Variants in LGR6 observed in about 807,000 individuals in gnomAD.
The protein encoded by LGR6 is leucine-rich repeat-containing G protein-coupled receptor 6.
In LGR6, 45 loss-of-function variants were observed where a neutral mutation model predicts 69.4. The observed-to-expected ratio is 0.65, with a 90% CI of 0.51 to 0.83. The LOEUF (loss-of-function observed/expected upper bound fraction) is 0.83. Ranked by LOEUF, LGR6 falls within the 40% of genes least tolerant of loss-of-function variation. The pLI, the probability that LGR6 is intolerant of heterozygous loss-of-function variation, is 0.00. For synonymous variants in LGR6, 538 were observed against 555.0 expected, an observed-to-expected ratio of 0.97 and a Z score of 0.43; for missense variants, 1,108 against 1,246.7, an observed-to-expected ratio of 0.89 and a Z score of 1.68.
At chr1:202,243,104 G>C (rs1005497210) in intron 4 of LGR6, among the ~76,000 whole-genome samples, 1 of 151,732 alleles carries the variant, frequency 6.6e-6, no homozygotes, top group Admixed American at 6.6e-5. Flanking sequence ...AGGGTGCTGG[G>C]CTGCCTCTCA....
At chr1:202,317,181 G>A (rs1165535724) in intron 17 of LGR6, among the ~76,000 whole-genome samples, 1 of 152,108 alleles carries the variant, frequency 6.6e-6, no homozygotes, top group Non-Finnish European at 1.5e-5. Flanking sequence ...AGTCCCTCAT[G>A]CCTCTGTCCC....
intron 1 of LGR6, among the ~76,000 whole-genome samples, chr1:202,207,209 G>C (rs1659285929): frequency 6.6e-6 from 1 of 152,162 alleles, no homozygotes; most frequent in Non-Finnish European, 1.5e-5. Flanking sequence ...GAGCCACTGT[G>C]CCCGGCCGGT....
chr1:202,305,340 G>A (rs1437818018), intron 11 of LGR6, among the ~76,000 whole-genome samples: 3 of 152,166 alleles, frequency 2.0e-5, no homozygotes, highest in Non-Finnish European at 4.4e-5. Context: ...AGGTGCTTGG[G>A]TTGGCATTGC....
rs1168713139 is a variant in LGR6, at chr1:202,309,041, A to T, written c.1281-10A>T. The T allele has an allele frequency of 3.1e-6, 5 of 1,613,576 alleles. No individual in the cohort carries two copies. In the South Asian group the frequency reaches 5.5e-5, roughly 18 times the overall value. ...TGACTGCCAATAACCCTGACCATCC[A>T]CTGTCCTAGGGACCTGACAGACAAC... is the stretch of plus-strand genomic sequence containing the variant. On this transcript the variant is annotated splice_polypyrimidine_tract_variant and intron_variant, in intron 14 of 17. Coordinates refer to ENST00000367278, the MANE Select transcript of LGR6 (RefSeq NM_001017403.2).
chr1:202,224,823 G>C lies in LGR6; in HGVS notation c.213-600G>C, dbSNP rs192742333. Among the ~76,000 whole-genome samples, 5 of 152,304 alleles carry C rather than the reference G, an allele frequency of 3.3e-5. No homozygotes were observed. The East Asian group carries it at 9.7e-4, about 29-fold the overall frequency. On this transcript the variant is annotated intron_variant, in intron 1 of 17. Coordinates refer to ENST00000367278, the MANE Select transcript of LGR6 (RefSeq NM_001017403.2). Reference sequence around the variant, plus strand: ...CCCGGGTTGGGGACCCCTGGACTAAGGGAAGCAAACAGGTAGAGCCTGGTA... The same window carrying C: ...CCCGGGTTGGGGACCCCTGGACTAACGGAAGCAAACAGGTAGAGCCTGGTA...
intron 4 of LGR6, among the ~76,000 whole-genome samples, chr1:202,272,865 A>G (rs1665219976): frequency 6.6e-6 from 1 of 152,064 alleles, no homozygotes; most frequent in Admixed American, 6.5e-5. Context: ...GCCCTGACCC[A>G]CTTCCTGCCT....
At chr1:202,225,944 C>T (rs1450198369) in intron 2 of LGR6, among the ~76,000 whole-genome samples, 1 of 152,174 alleles carries the variant, frequency 6.6e-6, no homozygotes, top group Non-Finnish European at 1.5e-5. Flanking sequence ...AGATGCCCTC[C>T]TTCCATTCTA....
At chr1:202,259,805 A>G (rs1664072218) in intron 4 of LGR6, among the ~76,000 whole-genome samples, 1 of 151,898 alleles carries the variant, frequency 6.6e-6, no homozygotes, top group Admixed American at 6.6e-5. Context: ...AGTGAACACA[A>G]GTTCTGCCTG....
Position 202,306,921 on chromosome 1 carries a change from T to A in LGR6, c.1190T>A (p.Leu397Gln), listed in dbSNP as rs1402685022. The stretch of plus-strand genomic sequence containing the variant: ...ATTGGAGCTGACACCTTCAGCCAGC[T>A]GAGCTCCCTGCAAGCCCTGTGAGTA... Reference protein sequence around the residue: ...WEIGADTFSQLSSLQALDLSW... With the variant: ...WEIGADTFSQQSSLQALDLSW... The change falls in exon 13 of 18, where the codon CTG becomes CAG. Residue 397 changes from leucine to glutamine, a missense_variant. By Grantham distance (113) the Leu-to-Gln change is moderately radical (BLOSUM62 -2). Coordinates refer to ENST00000367278, the MANE Select transcript of LGR6 (RefSeq NM_001017403.2). 6.2e-7 allele frequency: 1 copy of A among 1,614,088 alleles called. No individual in the cohort carries two copies. Among genetic ancestry groups the A allele is most frequent in the South Asian group, 1.1e-5 (1 of 91,086 alleles).
At chr1:202,254,404 C>T (rs578084569) in intron 4 of LGR6, among the ~76,000 whole-genome samples, 1 of 152,310 alleles carries the variant, frequency 6.6e-6, no homozygotes, top group East Asian at 1.9e-4. Flanking sequence ...CACCTCTGGT[C>T]AGGCTTTGCT....
intron 1 of LGR6, among the ~76,000 whole-genome samples, chr1:202,210,276 G>A (rs1043151008): frequency 2.0e-5 from 3 of 152,140 alleles, no homozygotes. Context: ...GAAAGCAGGG[G>A]CCTGGCCACC....
intron 1 of LGR6, among the ~76,000 whole-genome samples, chr1:202,204,590 TCAAACACACACACCTC>T (rs1659005051): frequency 2.0e-5 from 1 of 50,044 alleles, no homozygotes; most frequent in African/African-American, 8.6e-5. Flanking sequence ...CACACCTCCT[TCAAACACACACACCTC>T]CAAACACACA....
Position 202,310,344 on chromosome 1 carries a change from A to G in LGR6, c.1554A>G (p.Gln518=). The G allele has an allele frequency of 1.9e-6, 3 of 1,613,722 alleles. No homozygotes were observed. The highest frequency in any genetic ancestry group is 2.5e-6 in the Non-Finnish European group (3 of 1,179,978). ...SKRPLGLLAR[Q]AENHYDQDLD... ...GGCCCCTGGGCCTCCTTGCCAGACA[A>G]GCAGAGAACCACTGTGAGTGACCAG... Residue 518 remains glutamine (Q), a synonymous_variant, in exon 16 of 18, where the codon CAA becomes CAG. Transcript: ENST00000367278.
At chr1:202,210,965 C>T (rs12040411) in intron 1 of LGR6, among the ~76,000 whole-genome samples, 45,914 of 152,080 alleles carry the variant, frequency 0.3, 8,249 homozygotes, top group Non-Finnish European at 0.4. Context: ...CCATTGTGTG[C>T]GTTAAGCATG....
chr1:202,217,901 T>A (rs1220181831), intron 1 of LGR6, among the ~76,000 whole-genome samples: 2 of 152,250 alleles, frequency 1.3e-5, no homozygotes, highest in Non-Finnish European at 2.9e-5. Context: ...CTCTTATGTG[T>A]GTGTGAAGAT....
At chr1:202,217,172 ACCCTTGGCATGCTGTTG>A (rs1659843123) in intron 1 of LGR6, among the ~76,000 whole-genome samples, 1 of 152,100 alleles carries the variant, frequency 6.6e-6, no homozygotes, top group Non-Finnish European at 1.5e-5. Flanking sequence ...AGGGGCCCAC[ACCCTTGGCATGCTGTTG>A]CTGTCAGATT....
Position 202,276,522 on chromosome 1 carries a change from G to GT in LGR6, c.644+2dup. 6.2e-7 allele frequency: 1 copy of GT among 1,611,534 alleles called. No homozygotes were observed. Among genetic ancestry groups the GT allele is most frequent in the South Asian group, 1.1e-5 (1 of 90,684 alleles). On this transcript the variant is annotated splice_donor_variant, in intron 5 of 17. Transcript: ENST00000367278. LOFTEE classifies it high-confidence loss of function. ...AGAATCTCACCAGCCTTGTGGTGCT[G>GT]TGAGTGCTGCTCTGTTCCCCATCCC...
chr1:202,265,666 G>A (rs2148121452), intron 4 of LGR6, among the ~76,000 whole-genome samples: 1 of 152,296 alleles, frequency 6.6e-6, no homozygotes, highest in Admixed American at 6.5e-5. Context: ...TGTGACCTTG[G>A]ACAAATCACT....
Position 202,318,359 on chromosome 1 carries a change from G to T in LGR6, c.2056G>T (p.Val686Phe). Residue 686 changes from valine to phenylalanine, a missense_variant, in exon 18 of 18, where the codon GTT becomes TTT. Transcript: ENST00000367278. The part of the protein sequence containing the change: ...AYGKSPSLGS[V>F]RAGVLGCLAL... ...TGGGAAGTCCCCCTCCCTGGGCAGC[G>T]TTCGAGCAGGGGTCCTAGGCTGCCT... is the stretch of plus-strand genomic sequence containing the variant. 1 of 1,600,146 alleles carries T rather than the reference G, an allele frequency of 6.2e-7. No homozygotes were observed. The highest frequency in any genetic ancestry group is 8.5e-7 in the Non-Finnish European group (1 of 1,173,026).
Sources: allele counts gnomAD v4.1 joint callset (sites outside exome capture counted in the v4.1 genomes callset), GRCh38; gene constraint gnomAD v4.1.1; transcripts MANE v1.5; gene names NCBI Gene and HGNC (gene_info 2026-07-23, HGNC 2026-07-21).